The following ARL15 variants were observed in gnomAD, a reference collection of about 807,000 sequenced individuals.
The protein encoded by ARL15 is ARF like GTPase 15.
In ARL15, 19 loss-of-function variants were observed where a neutral mutation model predicts 25.2. That is an observed-to-expected ratio of 0.75 (90% CI 0.53 to 1.10). The LOEUF (loss-of-function observed/expected upper bound fraction) is 1.10, where lower values mean the gene tolerates loss of function less well. Ranked by LOEUF, ARL15 falls within the 50% of genes least tolerant of loss-of-function variation. The pLI, the probability that ARL15 is intolerant of heterozygous loss-of-function variation, is 0.00. For synonymous variants in ARL15, 94 were observed against 86.8 expected (o/e 1.08, Z -0.46); for missense variants, 220 against 246.0 (o/e 0.89, Z 0.71).
intron 4 of ARL15, among the ~76,000 whole-genome samples, chr5:54,022,099 G>C (rs1316524417): frequency 6.6e-6 from 1 of 151,786 alleles, no homozygotes; most frequent in East Asian, 1.9e-4. Flanking sequence ...GGGAAACTCA[G>C]AGAATTTGTC....
At chr5:54,058,360 G>A (rs1385781854) in intron 4 of ARL15, among the ~76,000 whole-genome samples, 1 of 152,000 alleles carries the variant, frequency 6.6e-6, no homozygotes, top group Non-Finnish European at 1.5e-5. Flanking sequence ...CAACTTTGTA[G>A]CTTGGCTGTT....
At position 54,077,733 on chromosome 5, in the gene ARL15, TTAAGTTGTGAACCTTAATCCAGG is replaced by T. The variant is rs1179872505; in HGVS notation, c.462+35446_462+35468del. Among the ~76,000 whole-genome samples the T allele has an allele frequency of 4.6e-5, 7 of 152,338 alleles. No homozygotes were observed. In the East Asian group the frequency reaches 1.3e-3, roughly 29 times the overall value. ...CAGTCTCTTTTTCTAATATTCTATT[TTAAGTTGTGAACCTTAATCCAGG>T]TAAGCTGTCTGTCATTTGGCAAAGA... On this transcript the variant is annotated intron_variant, in intron 4 of 4. Transcript: ENST00000504924.
At chr5:54,032,109 G>A (rs1750010181) in intron 4 of ARL15, among the ~76,000 whole-genome samples, 3 of 152,122 alleles carry the variant, frequency 2.0e-5, no homozygotes, top group African/African-American at 7.2e-5. Flanking sequence ...TCCCTCTCAA[G>A]GCTGAGAATG....
At chr5:54,131,798 G>T (rs1280551484) in intron 3 of ARL15, among the ~76,000 whole-genome samples, 1 of 152,006 alleles carries the variant, frequency 6.6e-6, no homozygotes. Flanking sequence ...AGCTACTCGG[G>T]AGGCTGAGGC....
intron 1 of ARL15, among the ~76,000 whole-genome samples, chr5:54,227,503 G>T (rs756378511): frequency 6.6e-6 from 1 of 152,148 alleles, no homozygotes; most frequent in African/African-American, 2.4e-5. Context: ...TTGCTCAAAC[G>T]CTGAGTCTGG....
chr5:53,895,980 A>G (rs1373339273), intron 4 of ARL15, among the ~76,000 whole-genome samples: 2 of 152,224 alleles, frequency 1.3e-5, no homozygotes, highest in East Asian at 3.8e-4. Context: ...TGTGTAACAT[A>G]TACTTTAAAT....
intron 4 of ARL15, among the ~76,000 whole-genome samples, chr5:54,092,325 A>T (rs956928777): frequency 6.6e-6 from 1 of 151,962 alleles, no homozygotes; most frequent in Non-Finnish European, 1.5e-5. Context: ...TACCAGGCTT[A>T]TGGAATTAGA....
At chr5:54,181,981 C>G (rs1215326633) in intron 1 of ARL15, among the ~76,000 whole-genome samples, 1 of 57,368 alleles carries the variant, frequency 1.7e-5, no homozygotes, top group Non-Finnish European at 3.2e-5. Context: ...CCTTCGCCCA[C>G]TTTTTGATGG....
intron 4 of ARL15, among the ~76,000 whole-genome samples, chr5:54,071,387 G>A (rs958030218): frequency 9.2e-5 from 14 of 151,828 alleles, no homozygotes; most frequent in Admixed American, 7.9e-4. Flanking sequence ...AAGGAGAAGA[G>A]CAAATCACTC....
At chr5:53,935,585 A>G (rs1347916012) in intron 4 of ARL15, among the ~76,000 whole-genome samples, 1 of 152,212 alleles carries the variant, frequency 6.6e-6, no homozygotes, top group Non-Finnish European at 1.5e-5. Flanking sequence ...GTTACTGAGA[A>G]GAATCCTTTG....
chr5:54,210,902 G>C (rs964590005), intron 1 of ARL15, among the ~76,000 whole-genome samples: 1 of 152,170 alleles, frequency 6.6e-6, no homozygotes, highest in African/African-American at 2.4e-5. Context: ...ACCCAATCTA[G>C]TGCTTTTTCT....
At chr5:54,293,052 T>A (rs1758375029) in intron 1 of ARL15, among the ~76,000 whole-genome samples, 2 of 152,216 alleles carry the variant, frequency 1.3e-5, no homozygotes, top group Admixed American at 1.3e-4. Context: ...CACCCACACA[T>A]AACTCATGCT....
chr5:53,942,641 G>C (rs1215513679), intron 4 of ARL15, among the ~76,000 whole-genome samples: 3 of 152,178 alleles, frequency 2.0e-5, no homozygotes. Context: ...AGCTACTCAG[G>C]AGGCTGAGTC....
At chr5:53,941,976 T>A (rs767205868) in intron 4 of ARL15, among the ~76,000 whole-genome samples, 8 of 152,142 alleles carry the variant, frequency 5.3e-5, no homozygotes, top group Non-Finnish European at 1.0e-4. Flanking sequence ...ACAGTCTGAT[T>A]TATCTATTTA....
intron 1 of ARL15, among the ~76,000 whole-genome samples, chr5:54,216,740 T>C (rs547375338): frequency 6.6e-6 from 1 of 152,308 alleles, no homozygotes; most frequent in Admixed American, 6.5e-5. Context: ...AATTACATGC[T>C]GTAACTAAGT....
rs538502852 is a variant in ARL15 at position 54,112,129 on chromosome 5, T to A, written c.462+1073A>T. On this transcript the variant is annotated intron_variant, in intron 4 of 4. Transcript: ENST00000504924. ...AATGGGTCCTTGCCTTTCTTTTTTT[T>A]AAACTGTGTTTCTAAAATTTGAATA... is the stretch of plus-strand genomic sequence containing the variant. Among the ~76,000 whole-genome samples the A allele has an allele frequency of 3.3e-5, 5 of 152,328 alleles. No individual in the cohort carries two copies. The South Asian group carries it at 1.0e-3, about 32-fold the overall frequency.
chr5:54,061,633 T>G (rs1301144733), intron 4 of ARL15, among the ~76,000 whole-genome samples: 2 of 152,070 alleles, frequency 1.3e-5, no homozygotes, highest in African/African-American at 2.4e-5. Flanking sequence ...AATAAAAGAA[T>G]TGACATTTGG....
At chr5:54,029,379 A>ACCACCACCACCACCACCACCAC (rs1554035239) in intron 4 of ARL15, among the ~76,000 whole-genome samples, 5 of 121,180 alleles carry the variant, frequency 4.1e-5, no homozygotes, top group Admixed American at 9.0e-5. Flanking sequence ...CACCACCACT[A>ACCACCACCACCACCACCACCAC]CACCTAGAGA....
intron 1 of ARL15, among the ~76,000 whole-genome samples, chr5:54,223,087 G>C (rs1033086735): frequency 1.3e-5 from 2 of 149,962 alleles, no homozygotes; most frequent in Non-Finnish European, 2.9e-5. Flanking sequence ...AAGGAGACAA[G>C]TTACTTGATA....
Sources: allele counts gnomAD v4.1 joint callset (sites outside exome capture counted in the v4.1 genomes callset), GRCh38; gene constraint gnomAD v4.1.1; transcripts MANE v1.5; gene names NCBI Gene and HGNC (gene_info 2026-07-23, HGNC 2026-07-21).